Variants in TRPM3 observed in about 807,000 individuals in gnomAD.
The protein encoded by TRPM3 is transient receptor potential cation channel subfamily M member 3, also known as long transient receptor potential channel 3.
Under a neutral mutation model 181.2 loss-of-function variants are expected in TRPM3, and 77 were observed. The ratio of observed to expected loss-of-function variants is 0.42; its 90% CI spans 0.35 to 0.51. The LOEUF is 0.51. Ranked by LOEUF, TRPM3 falls within the 20% of genes least tolerant of loss-of-function variation. The pLI is 0.01. For synonymous variants in TRPM3, 745 were observed against 796.4 expected (o/e 0.94, Z 1.09); for missense variants, 1,759 against 2,196.7 (o/e 0.80, Z 3.98).
intron 1 of TRPM3, among the ~76,000 whole-genome samples, chr9:71,375,013 C>G (rs552428249): frequency 1.3e-5 from 2 of 152,184 alleles, no homozygotes; most frequent in Non-Finnish European, 2.9e-5. Context: ...TATGGCCATA[C>G]TGCCCAAAGT....
chr9:71,416,962 A>G (rs1228905451), intron 1 of TRPM3, among the ~76,000 whole-genome samples: 1 of 152,016 alleles, frequency 6.6e-6, no homozygotes, highest in Admixed American at 6.6e-5. Context: ...TTTACTCAGC[A>G]TATTTTTAAG....
At chr9:71,277,646 A>T (rs574302947) in intron 1 of TRPM3, among the ~76,000 whole-genome samples, 2 of 152,208 alleles carry the variant, frequency 1.3e-5, no homozygotes, top group Non-Finnish European at 2.9e-5. Flanking sequence ...TCTCCTGATC[A>T]TGTAAAATGC....
chr9:70,942,003 T>C (rs1399182580), intron 1 of TRPM3, among the ~76,000 whole-genome samples: 1 of 152,212 alleles, frequency 6.6e-6, no homozygotes, highest in Non-Finnish European at 1.5e-5. Flanking sequence ...CATAGGGTTT[T>C]TTTCCCCTCT....
At chr9:71,409,982 A>C (rs2093513741) in intron 1 of TRPM3, among the ~76,000 whole-genome samples, 1 of 152,222 alleles carries the variant, frequency 6.6e-6, no homozygotes, top group Non-Finnish European at 1.5e-5. Context: ...ATGCATGGAA[A>C]CTGAACAACC....
chr9:71,117,445 G>A (rs368384822), intron 1 of TRPM3, among the ~76,000 whole-genome samples: 21 of 152,022 alleles, frequency 1.4e-4, no homozygotes, highest in African/African-American at 2.7e-4. Context: ...TTGTTTACCC[G>A]TTTCCTTCTT....
chr9:71,440,807 C>T (rs377641427), intron 1 of TRPM3, among the ~76,000 whole-genome samples: 19 of 152,246 alleles, frequency 1.2e-4, no homozygotes, highest in African/African-American at 3.1e-4. Context: ...TACCAGCCCT[C>T]GTTTGGCTTT....
At chr9:71,408,991 A>G (rs577560397) in intron 1 of TRPM3, among the ~76,000 whole-genome samples, 1 of 152,196 alleles carries the variant, frequency 6.6e-6, no homozygotes, top group African/African-American at 2.4e-5. Context: ...AGAATTTCAT[A>G]TCCAGCCAAA....
At chr9:71,300,494 A>G (rs2086667876) in intron 1 of TRPM3, among the ~76,000 whole-genome samples, 2 of 152,106 alleles carry the variant, frequency 1.3e-5, no homozygotes, top group African/African-American at 4.8e-5. Context: ...ACACTTAACC[A>G]CAACTTTTGA....
intron 1 of TRPM3, among the ~76,000 whole-genome samples, chr9:71,227,705 G>T (rs973845295): frequency 6.6e-6 from 1 of 152,000 alleles, no homozygotes; most frequent in African/African-American, 2.4e-5. Context: ...ACTACTATGT[G>T]CAACCATATG....
chr9:71,079,764 C>G (rs1350083624), intron 1 of TRPM3, among the ~76,000 whole-genome samples: 3 of 152,086 alleles, frequency 2.0e-5, no homozygotes, highest in Non-Finnish European at 4.4e-5. Context: ...TGCAAGTCCT[C>G]TTTCTGGGGT....
chr9:71,137,381 T>C (rs1355873043), intron 1 of TRPM3, among the ~76,000 whole-genome samples: 1 of 152,164 alleles, frequency 6.6e-6, no homozygotes, highest in Non-Finnish European at 1.5e-5. Flanking sequence ...AAGTATCAAG[T>C]AAACAAATTA....
At chr9:71,137,402 G>T (rs948450404) in intron 1 of TRPM3, among the ~76,000 whole-genome samples, 1 of 152,126 alleles carries the variant, frequency 6.6e-6, no homozygotes, top group East Asian at 1.9e-4. Flanking sequence ...ACTTAAGTAC[G>T]TAAGTCAATA....
At chr9:70,542,718 C>T in intron 25 of TRPM3, among the ~76,000 whole-genome samples, 1 of 152,198 alleles carries the variant, frequency 6.6e-6, no homozygotes, top group African/African-American at 2.4e-5. Context: ...AGAGTATTGG[C>T]AGGCCATGCC....
At chr9:71,313,990 A>C (rs1408751457) in intron 1 of TRPM3, among the ~76,000 whole-genome samples, 1 of 152,136 alleles carries the variant, frequency 6.6e-6, no homozygotes, top group Admixed American at 6.5e-5. Context: ...GTTTTAGAAT[A>C]TTATTGTAAA....
intron 1 of TRPM3, among the ~76,000 whole-genome samples, chr9:71,354,605 TTCA>T (rs776466671): frequency 1.3e-4 from 20 of 152,364 alleles, no homozygotes; most frequent in Admixed American, 3.9e-4. Flanking sequence ...TCCTTAATTT[TTCA>T]TCATCAACTT....
intron 1 of TRPM3, among the ~76,000 whole-genome samples, chr9:71,048,614 A>G (rs1259782239): frequency 6.6e-6 from 1 of 152,218 alleles, no homozygotes; most frequent in Non-Finnish European, 1.5e-5. Flanking sequence ...TGCTCCGGCC[A>G]GAAGGTAGAA....
chr9:70,609,798 C>T (rs80185120), intron 19 of TRPM3, among the ~76,000 whole-genome samples: 201 of 152,230 alleles, frequency 1.3e-3, no homozygotes, highest in African/African-American at 4.6e-3. Flanking sequence ...ATGACTGCTA[C>T]GCAGCTGGTT....
intron 1 of TRPM3, among the ~76,000 whole-genome samples, chr9:71,116,930 AC>A (rs2072522448): frequency 6.6e-6 from 1 of 152,176 alleles, no homozygotes; most frequent in Admixed American, 6.5e-5. Flanking sequence ...AATATTCTTT[AC>A]TTTTGTCAGT....
chr9:70,690,302 A>C (rs1311742491), intron 8 of TRPM3, among the ~76,000 whole-genome samples: 1 of 152,194 alleles, frequency 6.6e-6, no homozygotes, highest in Admixed American at 6.5e-5. Flanking sequence ...CAACAAAGAA[A>C]GTTCTTATCA....
Sources: allele counts gnomAD v4.1 joint callset (sites outside exome capture counted in the v4.1 genomes callset), GRCh38; gene constraint gnomAD v4.1.1; transcripts MANE v1.5; gene names NCBI Gene and HGNC (gene_info 2026-07-23, HGNC 2026-07-21).